The following CDKAL1 variants were observed in gnomAD, a reference collection of about 807,000 sequenced individuals.
CDKAL1 encodes CDKAL1 threonylcarbamoyladenosine tRNA methylthiotransferase.
In CDKAL1, 32 loss-of-function variants were observed where a neutral mutation model predicts 68.2. That is an observed-to-expected ratio of 0.47 (90% CI 0.35 to 0.63). The LOEUF (loss-of-function observed/expected upper bound fraction) is 0.63. Ranked by LOEUF, CDKAL1 falls within the 30% of genes least tolerant of loss-of-function variation. CDKAL1 has a pLI of 0.00. For synonymous variants in CDKAL1, 234 were observed against 244.3 expected (o/e 0.96, Z 0.39); for missense variants, 606 against 696.7 (o/e 0.87, Z 1.47).
In CDKAL1 at chr6:20,672,829, T is replaced by C. The variant is rs1297179292; in HGVS notation, c.371+23452T>C. ...TTTCACTCTGTTGCCCAGGCTGGAC[T>C]GCAATGGCACGATCTTGGCTCACTG... On this transcript the variant is annotated intron_variant, in intron 5 of 15. Transcript: ENST00000274695. Among the ~76,000 whole-genome samples, 5 of 152,266 alleles carry C rather than the reference T, an allele frequency of 3.3e-5. No individual in the cohort carries two copies. The South Asian group carries it at 1.0e-3, about 32-fold the overall frequency.
chr6:20,965,443 G>C (rs1272630942), intron 10 of CDKAL1, among the ~76,000 whole-genome samples: 1 of 147,304 alleles, frequency 6.8e-6, no homozygotes, highest in Non-Finnish European at 1.5e-5. Flanking sequence ...GAGGGGAGGG[G>C]GAACATTATA....
At chr6:20,880,191 G>A (rs551624674) in intron 9 of CDKAL1, among the ~76,000 whole-genome samples, 88 of 152,278 alleles carry the variant, frequency 5.8e-4, no homozygotes, top group African/African-American at 2.0e-3. Context: ...GTGGGAATGC[G>A]AGATAATCGT....
chr6:20,845,404 C>A (rs1778340180), intron 8 of CDKAL1, among the ~76,000 whole-genome samples: 1 of 151,922 alleles, frequency 6.6e-6, no homozygotes, highest in South Asian at 2.1e-4. Context: ...AAAGACAATT[C>A]TATATCATGT....
intron 12 of CDKAL1, among the ~76,000 whole-genome samples, chr6:21,104,608 G>A (rs1035468361): frequency 6.6e-6 from 1 of 152,030 alleles, no homozygotes; most frequent in Admixed American, 6.6e-5. Context: ...ATACTCCACT[G>A]GATTGTGTGA....
chr6:20,863,021 C>A (rs761894993), intron 9 of CDKAL1, among the ~76,000 whole-genome samples: 21 of 152,010 alleles, frequency 1.4e-4, no homozygotes, highest in Non-Finnish European at 1.5e-5. Flanking sequence ...AGCAAAACTC[C>A]GTTTCAATAA....
chr6:20,848,268 G>C (rs923149569), intron 9 of CDKAL1, among the ~76,000 whole-genome samples: 1 of 58,302 alleles, frequency 1.7e-5, no homozygotes, highest in African/African-American at 7.3e-5. Context: ...TTTGTTACTT[G>C]CTGGAAAGTT....
intron 13 of CDKAL1, among the ~76,000 whole-genome samples, chr6:21,182,696 G>A (rs1235645207): frequency 6.6e-6 from 1 of 152,164 alleles, no homozygotes; most frequent in African/African-American, 2.4e-5. Context: ...ATAAAGAACA[G>A]TTAAAATGCA....
At chr6:21,150,255 G>T (rs1372082056) in intron 13 of CDKAL1, among the ~76,000 whole-genome samples, 2 of 152,196 alleles carry the variant, frequency 1.3e-5, no homozygotes, top group Non-Finnish European at 2.9e-5. Flanking sequence ...CCGGGGGCAA[G>T]AAAAGAATGG....
intron 11 of CDKAL1, among the ~76,000 whole-genome samples, chr6:21,014,240 A>G (rs1035392599): frequency 1.3e-5 from 2 of 152,190 alleles, no homozygotes; most frequent in East Asian, 1.9e-4. Flanking sequence ...CTCAAAATCC[A>G]TTTATATGGG....
intron 9 of CDKAL1, among the ~76,000 whole-genome samples, chr6:20,893,514 T>G (rs1761519428): frequency 6.6e-6 from 1 of 152,230 alleles, no homozygotes; most frequent in South Asian, 2.1e-4. Context: ...AATGTGAATT[T>G]CAAAGTGTAA....
intron 9 of CDKAL1, among the ~76,000 whole-genome samples, chr6:20,873,422 C>A (rs1485365981): frequency 6.6e-6 from 1 of 152,110 alleles, no homozygotes; most frequent in Non-Finnish European, 1.5e-5. Flanking sequence ...ATATTGAGGA[C>A]TTCTTACATG....
intron 8 of CDKAL1, among the ~76,000 whole-genome samples, chr6:20,803,098 T>G (rs567906004): frequency 6.6e-6 from 1 of 152,332 alleles, no homozygotes; most frequent in African/African-American, 2.4e-5. Flanking sequence ...TGTATAGGAT[T>G]GAAATTGTGA....
chr6:21,008,006 C>T (rs1236468527), intron 11 of CDKAL1, among the ~76,000 whole-genome samples: 1 of 152,160 alleles, frequency 6.6e-6, no homozygotes, highest in Admixed American at 6.5e-5. Flanking sequence ...GGAAGGCATG[C>T]ATGGGTGTCA....
At chr6:21,081,467 T>G (rs1772395487) in intron 12 of CDKAL1, among the ~76,000 whole-genome samples, 1 of 152,198 alleles carries the variant, frequency 6.6e-6, no homozygotes, top group Non-Finnish European at 1.5e-5. Flanking sequence ...TTATTAAAAT[T>G]GTAATATTCA....
intron 12 of CDKAL1, among the ~76,000 whole-genome samples, chr6:21,080,191 A>G (rs1423973762): frequency 1.3e-5 from 2 of 152,150 alleles, no homozygotes; most frequent in African/African-American, 4.8e-5. Context: ...TGGAAACGTG[A>G]AAATAACAAA....
intron 4 of CDKAL1, among the ~76,000 whole-genome samples, chr6:20,599,634 C>T (rs144271427): frequency 8.9e-4 from 135 of 152,200 alleles, no homozygotes; most frequent in African/African-American, 3.1e-3. Flanking sequence ...TGAAAGTTTA[C>T]AGTGTATACC....
intron 5 of CDKAL1, among the ~76,000 whole-genome samples, chr6:20,659,090 T>TC (rs1478339963): frequency 1.3e-5 from 2 of 152,114 alleles, no homozygotes; most frequent in Non-Finnish European, 2.9e-5. Context: ...TGCCTTGGCC[T>TC]CCCAAAGTGT....
At chr6:21,178,834 A>G (rs978854050) in intron 13 of CDKAL1, among the ~76,000 whole-genome samples, 1 of 152,242 alleles carries the variant, frequency 6.6e-6, no homozygotes, top group Non-Finnish European at 1.5e-5. Flanking sequence ...TTACCTAAGC[A>G]CAGGAGGGCT....
intron 15 of CDKAL1, among the ~76,000 whole-genome samples, chr6:21,222,607 T>G (rs936982231): frequency 2.0e-5 from 3 of 152,100 alleles, no homozygotes; most frequent in Admixed American, 1.3e-4. Context: ...AGCTCCCAAT[T>G]TGGGGAATGT....
Sources: allele counts gnomAD v4.1 joint callset (sites outside exome capture counted in the v4.1 genomes callset), GRCh38; gene constraint gnomAD v4.1.1; transcripts MANE v1.5; gene names NCBI Gene and HGNC (gene_info 2026-07-23, HGNC 2026-07-21).